SRR: variants seen among roughly 807,000 people sequenced by gnomAD.
SRR encodes serine racemase, also known as D-serine ammonia-lyase.
Under a neutral mutation model 32.7 loss-of-function variants are expected in SRR, and 19 were observed. The ratio of observed to expected loss-of-function variants is 0.58; its 90% CI spans 0.40 to 0.85. The LOEUF is 0.85. Among genes scored for constraint, SRR ranks in the 40% least tolerant of loss-of-function variants. The pLI is 0.00. For missense variants in SRR, 373 were observed against 404.7 expected (o/e 0.92, Z 0.67); for synonymous variants, 142 against 140.9 (o/e 1.01, Z -0.06).
At chr17:2,322,525 G>A (rs1490432049) in intron 6 of SRR, 2 of 151,910 alleles carry the variant, frequency 1.3e-5, no homozygotes, top group Non-Finnish European at 2.9e-5. Flanking sequence ...TTTTGAGACG[G>A]AGTCTCACTC....
chr17:2,307,462 G>A (rs2075399658), intron 1 of SRR: 3 of 1,435,118 alleles, frequency 2.1e-6, no homozygotes, highest in Admixed American at 3.4e-5. Flanking sequence ...CTGTGGTGGT[G>A]GTGGATATCG....
intron 4 of SRR, among the ~76,000 whole-genome samples, chr17:2,320,304 G>A (rs2075516088): frequency 1.6e-5 from 2 of 125,918 alleles, no homozygotes; most frequent in East Asian, 2.5e-4. Flanking sequence ...CTCCCAGGCT[G>A]GAGTGCAGCG....
intron 1 of SRR, among the ~76,000 whole-genome samples, chr17:2,309,132 T>A (rs902727615): frequency 2.6e-5 from 4 of 152,026 alleles, no homozygotes; most frequent in African/African-American, 9.7e-5. Flanking sequence ...ATAATAATAA[T>A]AATAATAATT....
At chr17:2,308,966 A>C (rs922543411) in intron 1 of SRR, among the ~76,000 whole-genome samples, 3 of 150,734 alleles carry the variant, frequency 2.0e-5, no homozygotes, top group Non-Finnish European at 4.4e-5. Flanking sequence ...TAAATACAAA[A>C]CATTAGCCAG....
intron 4 of SRR, among the ~76,000 whole-genome samples, chr17:2,320,175 G>C (rs989063231): frequency 2.1e-4 from 31 of 150,788 alleles, no homozygotes; most frequent in Admixed American, 1.9e-3. Flanking sequence ...CATACACGGT[G>C]GAAACGAGAG....
chr17:2,324,127 A>G lies in SRR; in HGVS notation c.*254A>G, dbSNP rs111963625. 4.1e-5 allele frequency: 62 copies of G among 1,503,338 alleles called. No individual in the cohort carries two copies. Among genetic ancestry groups the G allele is most frequent in the South Asian group, 2.5e-4 (18 of 71,046 alleles). 93.1% of individuals were successfully genotyped at this position (1,503,338 alleles called of 1,614,324 possible). On this transcript the variant is annotated 3_prime_UTR_variant, in exon 8 of 8. Coordinates refer to ENST00000344595, the MANE Select transcript of SRR (RefSeq NM_021947.3). ...TGACATAGAAAATAAACTTTGCCCA[A>G]TCACAACTTGTGCCTCCCATCCCTG...
chr17:2,315,412 G>A, intron 1 of SRR, 145 bp from the exon 2 acceptor site: 1 of 766,058 alleles, frequency 1.3e-6, no homozygotes, highest in South Asian at 2.7e-5. Context: ...CTCTCTTTTA[G>A]GGAAATTCTG....
At chr17:2,307,301 T>A (rs1375244720) in intron 1 of SRR, 4 of 1,105,518 alleles carry the variant, frequency 3.6e-6, no homozygotes, top group Admixed American at 1.7e-5. Context: ...AGGAAAGGCC[T>A]GTCAAAGCAA....
chr17:2,311,417 C>T (rs2075433038), intron 1 of SRR, among the ~76,000 whole-genome samples: 1 of 151,958 alleles, frequency 6.6e-6, no homozygotes, highest in African/African-American at 2.4e-5. Flanking sequence ...GGGTGGATCA[C>T]TTGAGCTCAG....
intron 4 of SRR, among the ~76,000 whole-genome samples, chr17:2,319,794 A>G (rs139669759): frequency 1.2e-4 from 18 of 150,110 alleles, no homozygotes; most frequent in Non-Finnish European, 2.4e-4. Context: ...AGAGGTCTCC[A>G]TTTAATAAAG....
At chr17:2,318,799 C>T in intron 3 of SRR, 27 bp from the exon 4 acceptor site, 1 of 1,568,000 alleles carries the variant, frequency 6.4e-7, no homozygotes, top group Non-Finnish European at 8.8e-7. Flanking sequence ...ATTCTCCTGA[C>T]TTTTTCCTCT....
At chr17:2,303,897 C>A (rs2075350441), upstream of SRR, 1 of 522,674 alleles carries the variant, frequency 1.9e-6, no homozygotes, top group African/African-American at 2.1e-5. Flanking sequence ...GCCGCCGGTT[C>A]CAGAGGGGCG....
At position 2,315,628 on chromosome 17, in the gene SRR, T is replaced by C. The variant is rs997177091; in HGVS notation, c.68T>C (p.Ile23Thr). 1 of 1,614,200 alleles carries C rather than the reference T, an allele frequency of 6.2e-7. No homozygotes were observed. The highest frequency in any genetic ancestry group is 8.5e-7 in the Non-Finnish European group (1 of 1,180,024). The stretch of plus-strand genomic sequence containing the variant: ...GCTCATATCAACATTCGAGATTCTA[T>C]CCACCTCACACCAGTGCTAACAAGC... ...EKAHINIRDS[I>T]HLTPVLTSSI... Residue 23 changes from isoleucine (I) to threonine (T), a missense_variant, in exon 2 of 8, where the codon ATC becomes ACC. Ile to Thr is a moderately conservative substitution (Grantham distance 89). Coordinates refer to ENST00000344595, the MANE Select transcript of SRR (RefSeq NM_021947.3).
At chr17:2,303,649 C>G, upstream of SRR, 9 of 1,487,158 alleles carry the variant, frequency 6.1e-6, no homozygotes, top group Non-Finnish European at 8.0e-6. Flanking sequence ...TCCCGGCCTG[C>G]GGGGCCAGAG....
intron 7 of SRR, 110 bp downstream of exon 7, chr17:2,323,455 C>A: frequency 7.6e-7 from 1 of 1,309,420 alleles, no homozygotes; most frequent in Non-Finnish European, 1.1e-6. Flanking sequence ...TAGGTAACTT[C>A]ATGACATGGG....
In SRR at chr17:2,317,855, A is replaced by T; in HGVS notation, c.169-15A>T. 6.2e-7 allele frequency: 1 copy of T among 1,607,518 alleles called. No homozygotes were observed. The highest frequency in any genetic ancestry group is 2.2e-5 in the East Asian group (1 of 44,760). ...TTTTAATCAAATATGTGAATTCACCATCCCTCTTTTTCAGATTCGTGGTGC... is the reference window on the plus strand; with the variant it reads ...TTTTAATCAAATATGTGAATTCACCTTCCCTCTTTTTCAGATTCGTGGTGC... On this transcript the variant is annotated splice_polypyrimidine_tract_variant and intron_variant, in intron 2 of 7. Coordinates refer to ENST00000344595, the MANE Select transcript of SRR (RefSeq NM_021947.3).
At chr17:2,322,008 C>G (rs1027145304) in intron 6 of SRR, among the ~76,000 whole-genome samples, 4 of 152,214 alleles carry the variant, frequency 2.6e-5, no homozygotes, top group African/African-American at 9.6e-5. Context: ...GTCTTGAACT[C>G]CTGACCTTGC....
rs1414464658 is a variant in SRR at position 2,317,744 on chromosome 17, G to C, written c.169-126G>C. ...AAAGATGCACATGAGATATTTAAGA[G>C]GTAAATCGATAAGATTTGGTGACAG... On this transcript the variant is annotated intron_variant, in intron 2 of 7. Coordinates refer to ENST00000344595, the MANE Select transcript of SRR (RefSeq NM_021947.3). 8 of 999,108 alleles carry C rather than the reference G, an allele frequency of 8.0e-6. No homozygotes were observed. The East Asian group carries it at 2.0e-4, about 25-fold the overall frequency. 61.9% of individuals were successfully genotyped at this position (999,108 alleles called of 1,614,324 possible). A position where few individuals can be genotyped will look rare whatever the true frequency, so the allele number is the denominator to read the frequency against.
chr17:2,318,392 C>T (rs985802884), intron 3 of SRR, among the ~76,000 whole-genome samples: 3 of 151,972 alleles, frequency 2.0e-5, no homozygotes, highest in Non-Finnish European at 2.9e-5. Flanking sequence ...TCAAGCAATC[C>T]ACCCGCCTTG....
Sources: allele counts gnomAD v4.1 joint callset (sites outside exome capture counted in the v4.1 genomes callset), GRCh38; gene constraint gnomAD v4.1.1; transcripts MANE v1.5; gene names NCBI Gene and HGNC (gene_info 2026-07-23, HGNC 2026-07-21).